Variants in RASA2 observed in about 807,000 individuals in gnomAD.
The protein encoded by RASA2 is ras GTPase-activating protein 2.
RASA2 carries 155 observed loss-of-function variants against 118.2 expected under a neutral mutation model. The ratio of observed to expected loss-of-function variants is 1.31; its 90% CI spans 1.15 to 1.50. The LOEUF is 1.50. Among genes scored for constraint, RASA2 ranks in the 40% most tolerant of loss-of-function variants. The pLI, the probability that RASA2 is intolerant of heterozygous loss-of-function variation, is 0.00. For synonymous variants in RASA2, 353 were observed against 349.1 expected (o/e 1.01, Z -0.12); for missense variants, 1,016 against 1,009.6 (o/e 1.01, Z -0.09).
At position 141,584,018 on chromosome 3, in the gene RASA2, A is replaced by G. The variant is rs115046420; in HGVS notation, c.1753-2007A>G. ...CAAAATCAAAGTAATGGTAGATTAA[A>G]AAAAAAGAAGAAGAAAAGAAAAGAA... On this transcript the variant is annotated intron_variant, in intron 17 of 23. Transcript: ENST00000286364. 4.9e-3 allele frequency among the ~76,000 whole-genome samples: 739 copies of G among 152,238 alleles called. 4 individuals carry two copies. Among genetic ancestry groups the G allele is most frequent in the Admixed American group, 5.7e-3 (87 of 15,294 alleles).
intron 1 of RASA2, among the ~76,000 whole-genome samples, chr3:141,505,172 A>G (rs183813944): frequency 2.0e-4 from 31 of 152,334 alleles, no homozygotes; most frequent in Non-Finnish European, 3.7e-4. Flanking sequence ...TAAATACTAT[A>G]TGCTTATTTA....
chr3:141,548,154 A>T (rs771586710), intron 5 of RASA2, among the ~76,000 whole-genome samples: 1 of 151,868 alleles, frequency 6.6e-6, no homozygotes, highest in Admixed American at 6.6e-5. Flanking sequence ...TCTTTTTTTG[A>T]TGTATCTCTC....
At chr3:141,540,410 T>G in intron 4 of RASA2, 123 bp from the exon 5 acceptor site, 6 of 637,346 alleles carry the variant, frequency 9.4e-6, no homozygotes, top group Non-Finnish European at 1.6e-5. Flanking sequence ...AAGTACTTAG[T>G]GTAGGCAAAG....
chr3:141,571,430 A>G lies in RASA2; in HGVS notation c.1045A>G (p.Ile349Val), dbSNP rs985431056. ...GCCAATATCTGCCTCAGCTGCTTAC[A>G]TTTTGAGTGAAATATGTCGAGATAA... Reference protein sequence around the residue: ...VQPISASAAYILSEICRDKND... With the variant: ...VQPISASAAYVLSEICRDKND... Residue 349 changes from isoleucine (I) to valine (V), a missense_variant, in exon 11 of 24, where the codon ATT (isoleucine) becomes GTT (valine). Ile to Val is a conservative substitution (Grantham distance 29, BLOSUM62 3). Transcript: ENST00000286364. 10 of 1,613,550 alleles carry G rather than the reference A, an allele frequency of 6.2e-6. No individual in the cohort carries two copies. The Admixed American group carries it at 1.0e-4, about 16-fold the overall frequency.
chr3:141,599,026 T>TGCAGTGAGCCGAGATC (rs1344539501), intron 19 of RASA2, among the ~76,000 whole-genome samples: 2 of 152,066 alleles, frequency 1.3e-5, no homozygotes, highest in Non-Finnish European at 2.9e-5. Flanking sequence ...AGGTGGAGGT[T>TGCAGTGAGCCGAGATC]GCAGTGAGCC....
At chr3:141,538,338 G>C (rs1022100826) in intron 4 of RASA2, among the ~76,000 whole-genome samples, 3 of 151,988 alleles carry the variant, frequency 2.0e-5, no homozygotes, top group African/African-American at 7.2e-5. Flanking sequence ...AATTAAATTG[G>C]TAGTATATAC....
rs1386553480 is a variant in RASA2 at position 141,593,864 on chromosome 3, T to G, written c.1933+7112T>G. 2.0e-5 allele frequency among the ~76,000 whole-genome samples: 3 copies of G among 152,304 alleles called. No homozygotes were observed. The East Asian group carries it at 5.8e-4, about 29-fold the overall frequency. ...CAAGGGAAGGTAACTGAATCCATAG[T>G]TTCTACAATGTTTTATTCATGAAGG... On this transcript the variant is annotated intron_variant, in intron 19 of 23. Transcript: ENST00000286364.
At chr3:141,555,407 A>G (rs1174412291) in intron 6 of RASA2, among the ~76,000 whole-genome samples, 3 of 152,200 alleles carry the variant, frequency 2.0e-5, no homozygotes, top group Non-Finnish European at 4.4e-5. Flanking sequence ...AATTAAATTA[A>G]AAGATTTTTT....
At chr3:141,611,723 A>G (rs2083654779) in intron 23 of RASA2, among the ~76,000 whole-genome samples, 1 of 152,216 alleles carries the variant, frequency 6.6e-6, no homozygotes, top group Non-Finnish European at 1.5e-5. Context: ...TTCATGTACA[A>G]TAAAAATCAA....
chr3:141,531,539 A>G (rs1317963160), intron 4 of RASA2, among the ~76,000 whole-genome samples: 1 of 151,824 alleles, frequency 6.6e-6, no homozygotes, highest in African/African-American at 2.4e-5. Flanking sequence ...ATAGATATAC[A>G]TATATATGCA....
rs759174358 is a variant in RASA2, at chr3:141,558,969, G to A, written c.761+7G>A. 2 of 1,586,960 alleles carry A rather than the reference G, an allele frequency of 1.3e-6. No individual in the cohort carries two copies. The highest frequency in any genetic ancestry group is 2.3e-5 in the South Asian group (2 of 87,732). On this transcript the variant is annotated splice_region_variant and intron_variant, in intron 8 of 23. Coordinates refer to ENST00000286364, the MANE Select transcript of RASA2 (RefSeq NM_006506.5). Reference sequence around the variant, plus strand: ...TTGAAAAGCTAGAAATCAGGTATGTGCCTTGGGGTTTTACAGAATTGCTTT... The same window carrying A: ...TTGAAAAGCTAGAAATCAGGTATGTACCTTGGGGTTTTACAGAATTGCTTT...
At chr3:141,551,711 C>A (rs2082578291) in intron 5 of RASA2, among the ~76,000 whole-genome samples, 1 of 152,002 alleles carries the variant, frequency 6.6e-6, no homozygotes, top group Non-Finnish European at 1.5e-5. Context: ...GTTCCTGTTA[C>A]TCCATCTTAC....
At chr3:141,603,846 C>A (rs191160245) in intron 19 of RASA2, among the ~76,000 whole-genome samples, 5 of 152,274 alleles carry the variant, frequency 3.3e-5, no homozygotes. Flanking sequence ...CATATGTAGC[C>A]TTTTGTGACT....
chr3:141,525,045 A>G (rs923631789), intron 3 of RASA2: 1 of 152,220 alleles, frequency 6.6e-6, no homozygotes, highest in Non-Finnish European at 1.5e-5. Context: ...CACAGTATTT[A>G]CTGATGGCAA....
intron 5 of RASA2, among the ~76,000 whole-genome samples, chr3:141,549,867 A>G (rs975469129): frequency 2.0e-5 from 3 of 152,180 alleles, no homozygotes. Context: ...ATATGTAAAA[A>G]GGACATTGAA....
chr3:141,514,926 C>A (rs1303091943), intron 2 of RASA2, among the ~76,000 whole-genome samples: 1 of 152,270 alleles, frequency 6.6e-6, no homozygotes, highest in South Asian at 2.1e-4. Context: ...CTATATGATT[C>A]TATTTATGTG....
chr3:141,490,454 G>A (rs927085833), intron 1 of RASA2, among the ~76,000 whole-genome samples: 24 of 151,224 alleles, frequency 1.6e-4, no homozygotes, highest in Non-Finnish European at 4.4e-5. Flanking sequence ...ATTAGCACTT[G>A]TTAAGTTTCC....
intron 1 of RASA2, among the ~76,000 whole-genome samples, chr3:141,493,037 G>T (rs1358441726): frequency 6.6e-6 from 1 of 152,076 alleles, no homozygotes; most frequent in Non-Finnish European, 1.5e-5. Context: ...GAAAATAAAG[G>T]TTCTTACCCT....
intron 9 of RASA2, among the ~76,000 whole-genome samples, chr3:141,565,006 G>A (rs985392836): frequency 6.6e-6 from 1 of 151,486 alleles, no homozygotes; most frequent in Admixed American, 6.6e-5. Context: ...ATTTTTTTGA[G>A]ATGCAGTCTC....
Sources: gnomAD v4.1 joint callset for allele counts (sites outside exome capture counted in the v4.1 genomes callset) on GRCh38, gnomAD v4.1.1 for gene constraint, MANE v1.5 for transcripts, NCBI Gene and HGNC (gene_info 2026-07-23, HGNC 2026-07-21) for gene names.